Variants in CALD1 observed in about 807,000 individuals in gnomAD.
CALD1 encodes caldesmon 1.
Under a neutral mutation model 99.9 loss-of-function variants are expected in CALD1, and 33 were observed. The ratio of observed to expected loss-of-function variants is 0.33; its 90% CI spans 0.25 to 0.44. The LOEUF (loss-of-function observed/expected upper bound fraction) is 0.44. Among genes scored for constraint, CALD1 ranks in the 20% least tolerant of loss-of-function variants. The pLI is 1.00. For missense variants in CALD1, 861 were observed against 962.1 expected, an observed-to-expected ratio of 0.89 and a Z score of 1.39; for synonymous variants, 310 against 325.0, an observed-to-expected ratio of 0.95 and a Z score of 0.50.
intron 13 of CALD1, chr7:134,962,722 T>C: frequency 2.3e-6 from 1 of 426,260 alleles, no homozygotes; most frequent in Non-Finnish European, 4.7e-6. Flanking sequence ...AGCTGGTTTG[T>C]CTATTCTTTG....
chr7:134,942,808 T>C (rs1806552847), intron 7 of CALD1, among the ~76,000 whole-genome samples: 1 of 152,228 alleles, frequency 6.6e-6, no homozygotes, highest in South Asian at 2.1e-4. Flanking sequence ...AGAAAATCTG[T>C]CAGTAGAAAA....
At chr7:134,763,088 T>G (rs1000677766) in intron 1 of CALD1, among the ~76,000 whole-genome samples, 2 of 152,188 alleles carry the variant, frequency 1.3e-5, no homozygotes, top group African/African-American at 2.4e-5. Flanking sequence ...ATCTAACTAT[T>G]TATCTGTCTG....
chr7:134,831,386 C>T (rs992972695), intron 1 of CALD1, among the ~76,000 whole-genome samples: 6 of 152,018 alleles, frequency 3.9e-5, no homozygotes, highest in Non-Finnish European at 8.8e-5. Context: ...GTGGCGCGAT[C>T]TCGGCTCACT....
intron 1 of CALD1, among the ~76,000 whole-genome samples, chr7:134,803,058 T>G (rs899197078): frequency 1.3e-5 from 2 of 152,182 alleles, no homozygotes; most frequent in Admixed American, 1.3e-4. Flanking sequence ...TTTGGAGTAG[T>G]CAGTCTTTCT....
At chr7:134,749,389 G>T (rs1300691052) in intron 1 of CALD1, among the ~76,000 whole-genome samples, 2 of 152,216 alleles carry the variant, frequency 1.3e-5, no homozygotes, top group Non-Finnish European at 2.9e-5. Flanking sequence ...GGAGGCCGAG[G>T]TGGGCGGATC....
At chr7:134,719,173 T>G in the CALD1 span, among the ~76,000 whole-genome samples, 7 of 152,226 alleles carry the variant, frequency 4.6e-5, no homozygotes, top group South Asian at 1.0e-3. Context: ...ATATTAACTT[T>G]CAGACCAAAT....
chr7:134,805,232 C>T (rs1713115995), intron 1 of CALD1, among the ~76,000 whole-genome samples: 1 of 152,218 alleles, frequency 6.6e-6, no homozygotes, highest in South Asian at 2.1e-4. Context: ...TGTTCTGATA[C>T]ACACAGTCTC....
chr7:134,953,680 T>G lies in CALD1; in HGVS notation c.1935+3166T>G, dbSNP rs1440128347. On this transcript the variant is annotated intron_variant, in intron 9 of 14. Coordinates refer to ENST00000361675, the MANE Select transcript of CALD1 (RefSeq NM_033138.4). ...GGTTTTTTTTTTTTGTTTTTTTTTT[T>G]CAGGAGAAACTACAACCTACCCTAC... Among the ~76,000 whole-genome samples the G allele has an allele frequency of 6.3e-4, 92 of 145,670 alleles. 1 individual carries two copies. The highest frequency in any genetic ancestry group is 2.1e-3 in the African/African-American group (84 of 39,860).
At chr7:134,840,518 A>G (rs1051918174) in intron 1 of CALD1, among the ~76,000 whole-genome samples, 2 of 152,216 alleles carry the variant, frequency 1.3e-5, no homozygotes, top group African/African-American at 2.4e-5. Flanking sequence ...GTTATTCTCA[A>G]TGAAAGCACT....
chr7:134,747,559 G>A (rs562469021), intron 1 of CALD1, among the ~76,000 whole-genome samples: 2 of 152,220 alleles, frequency 1.3e-5, no homozygotes, highest in African/African-American at 4.8e-5. Context: ...CACTGGGGCT[G>A]CCCTTCCCAT....
chr7:134,733,682 A>G, the CALD1 span, among the ~76,000 whole-genome samples: 31 of 151,744 alleles, frequency 2.0e-4, no homozygotes, highest in South Asian at 1.7e-3. Flanking sequence ...GGTGGTGGGC[A>G]CCTGTAGTCC....
intron 3 of CALD1, among the ~76,000 whole-genome samples, chr7:134,906,443 T>G (rs1235515833): frequency 6.6e-6 from 1 of 152,214 alleles, no homozygotes; most frequent in African/African-American, 2.4e-5. Context: ...AGAGCAATCA[T>G]GTCTATTCAA....
chr7:134,711,666 A>C, the CALD1 span, among the ~76,000 whole-genome samples: 6,134 of 59,518 alleles, frequency 0.1, 308 homozygotes, highest in African/African-American at 0.2. Flanking sequence ...CTCTCTATAT[A>C]TATATATATA....
chr7:134,884,634 C>CAAAA (rs11449787), intron 3 of CALD1, among the ~76,000 whole-genome samples: 1 of 144,526 alleles, frequency 6.9e-6, no homozygotes, highest in Non-Finnish European at 1.5e-5. Context: ...ATGAATACTC[C>CAAAA]AAAAAAAAAA....
At chr7:134,763,816 G>A (rs779278641) in intron 1 of CALD1, among the ~76,000 whole-genome samples, 4 of 151,488 alleles carry the variant, frequency 2.6e-5, no homozygotes, top group African/African-American at 4.9e-5. Flanking sequence ...TACTCAGGAG[G>A]CTGAGGCATG....
chr7:134,802,730 T>C (rs1021460778), intron 1 of CALD1, among the ~76,000 whole-genome samples: 2 of 152,248 alleles, frequency 1.3e-5, no homozygotes, highest in Non-Finnish European at 2.9e-5. Context: ...TCTTATGTAC[T>C]GCATATCACT....
the CALD1 span, among the ~76,000 whole-genome samples, chr7:134,718,645 G>C: frequency 6.6e-6 from 1 of 151,984 alleles, no homozygotes; most frequent in South Asian, 2.1e-4. Flanking sequence ...ATAAAACCTG[G>C]CCTCAGCTGT....
intron 3 of CALD1, among the ~76,000 whole-genome samples, chr7:134,922,664 T>A (rs1390690134): frequency 3.9e-5 from 6 of 152,218 alleles, no homozygotes; most frequent in Admixed American, 1.3e-4. Flanking sequence ...CTACGGAAGC[T>A]TCTGCAAGTT....
intron 2 of CALD1, among the ~76,000 whole-genome samples, chr7:134,846,938 A>C (rs1389705796): frequency 6.6e-6 from 1 of 152,238 alleles, no homozygotes; most frequent in African/African-American, 2.4e-5. Flanking sequence ...AGAAATGTTG[A>C]AAGCAAGAGG....
Sources: gnomAD v4.1 joint callset for allele counts (sites outside exome capture counted in the v4.1 genomes callset) on GRCh38, gnomAD v4.1.1 for gene constraint, MANE v1.5 for transcripts, NCBI Gene and HGNC (gene_info 2026-07-23, HGNC 2026-07-21) for gene names.